The following PLOD3 variants were observed in gnomAD, a reference collection of about 807,000 sequenced individuals.
PLOD3 encodes the protein multifunctional procollagen lysine hydroxylase and glycosyltransferase LH3.
Under a neutral mutation model 96.9 loss-of-function variants are expected in PLOD3, and 73 were observed. The ratio of observed to expected loss-of-function variants is 0.75; its 90% CI spans 0.62 to 0.92. The LOEUF is 0.92. PLOD3 is among the 40% of genes least tolerant of loss of function. PLOD3 has a pLI of 0.00. For synonymous variants in PLOD3, 454 were observed against 413.7 expected (o/e 1.10, Z -1.18); for missense variants, 1,004 against 1,004.3 (o/e 1.00, Z 0.00).
At chr7:101,212,397 G>A (rs1798197763) in intron 9 of PLOD3, 23 bp from the exon 10 acceptor site, 2 of 1,612,112 alleles carry the variant, frequency 1.2e-6, no homozygotes, top group Admixed American at 3.3e-5. Flanking sequence ...GACATAGGGG[G>A]ATGGGCTCAG....
chr7:101,211,669 T>C lies in PLOD3; in HGVS notation c.1280A>G (p.Asn427Ser), dbSNP rs751321650. Residue 427 changes from asparagine (N) to serine (S), a missense_variant, in exon 12 of 19, where the codon AAC becomes AGC. Coordinates refer to ENST00000223127, the MANE Select transcript of PLOD3 (RefSeq NM_001084.5). ...ATCGGGGCTCAGGGCGCCCCAGAAG[T>C]TGGACCACAGCTTGCCGTGGCGGGA... ...MLSRHGKLWS[N>S]FWGALSPDEY... 6.2e-6 allele frequency: 10 copies of C among 1,607,876 alleles called. No individual in the cohort carries two copies. The highest frequency in any genetic ancestry group is 4.5e-5 in the South Asian group (4 of 89,794).
chr7:101,214,759 C>G (rs1355059462), intron 6 of PLOD3, among the ~76,000 whole-genome samples: 2 of 152,176 alleles, frequency 1.3e-5, no homozygotes, highest in Non-Finnish European at 2.9e-5. Flanking sequence ...ATCACTTGAA[C>G]CCGGGAGGTG....
At chr7:101,207,538 T>G (rs765347872) in intron 17 of PLOD3, 40 bp downstream of exon 17, 1 of 1,602,932 alleles carries the variant, frequency 6.2e-7, no homozygotes, top group Non-Finnish European at 8.5e-7. Context: ...GGGACTGGGG[T>G]GGGGAAGGTG....
At chr7:101,210,252 G>T in intron 14 of PLOD3, 79 bp downstream of exon 14, 1 of 1,490,512 alleles carries the variant, frequency 6.7e-7, no homozygotes, top group Non-Finnish European at 9.3e-7. Context: ...TCCTGCGCTG[G>T]CAGCAGCCAT....
intron 16 of PLOD3, 45 bp downstream of exon 16, chr7:101,208,808 C>T: frequency 6.4e-6 from 8 of 1,248,608 alleles, no homozygotes; most frequent in Non-Finnish European, 9.4e-6. Context: ...GATCCTGCAC[C>T]TCCTCCTCTG....
rs1178971855 is a variant in PLOD3 at position 101,210,462 on chromosome 7, T to C, written c.1501-18A>G. 1 of 1,613,176 alleles carries C rather than the reference T, an allele frequency of 6.2e-7. No homozygotes were observed. The highest frequency in any genetic ancestry group is 8.5e-7 in the Non-Finnish European group (1 of 1,179,550). Reference sequence around the variant, plus strand: ...AAGATGCCCTGTAGTGGGGTGGGGGTGTCCGTGATGCAGGCGATGCCTGGA... The same window carrying C: ...AAGATGCCCTGTAGTGGGGTGGGGGCGTCCGTGATGCAGGCGATGCCTGGA... On this transcript the variant is annotated intron_variant, in intron 13 of 18. Transcript: ENST00000223127.
At chr7:101,211,071 G>C (rs1350458554) in intron 12 of PLOD3, 2 of 256,426 alleles carry the variant, frequency 7.8e-6, no homozygotes, top group Non-Finnish European at 1.5e-5. Context: ...GGTAGAGATG[G>C]GGTTTCACCA....
intron 1 of PLOD3, 109 bp from the exon 2 acceptor site, chr7:101,216,895 C>T: frequency 1.2e-6 from 1 of 838,782 alleles, no homozygotes; most frequent in East Asian, 2.6e-5. Flanking sequence ...CCTTCCCATT[C>T]TTAAACTCTT....
At chr7:101,207,016 G>T in intron 17 of PLOD3, 112 bp from the exon 18 acceptor site, 1 of 1,265,526 alleles carries the variant, frequency 7.9e-7, no homozygotes, top group Non-Finnish European at 1.1e-6. Flanking sequence ...TCAGGCTGGA[G>T]TGCAGTGGTG....
chr7:101,216,591 TG>T (rs749851485), intron 2 of PLOD3, 45 bp from the exon 3 acceptor site: 2 of 1,612,792 alleles, frequency 1.2e-6, no homozygotes, highest in African/African-American at 1.3e-5. Flanking sequence ...TGGGGAGTTG[TG>T]GGGGGAACTC....
rs1222593221 is a variant in PLOD3, at chr7:101,217,578, A to C, written c.-304T>G. ...CTGGGCTGAGCCAGCCGCTTGACAC[A>C]TGTGGAAGCTGAAACCTGGACAGGG... is the stretch of plus-strand genomic sequence containing the variant. On this transcript the variant is annotated 5_prime_UTR_variant, in exon 1 of 19. It removes an upstream start codon present in the reference 5' UTR. Transcript: ENST00000223127. 6.7e-6 allele frequency: 3 copies of C among 449,324 alleles called. No homozygotes were observed. The highest frequency in any genetic ancestry group is 8.3e-5 in the Admixed American group (2 of 24,026). The allele number at this position is 449,324 out of a possible 1,614,324, so 27.8% of individuals were successfully genotyped here.
At chr7:101,209,385 CTTTTT>C (rs561562370) in intron 15 of PLOD3, among the ~76,000 whole-genome samples, 1 of 147,222 alleles carries the variant, frequency 6.8e-6, no homozygotes, top group Non-Finnish European at 1.5e-5. Context: ...TTTTTCTTTT[CTTTTT>C]TTTTTGAGAC....
At chr7:101,210,854 C>G in intron 12 of PLOD3, 181 bp from the exon 13 acceptor site, 1 of 628,122 alleles carries the variant, frequency 1.6e-6, no homozygotes, top group Non-Finnish European at 2.8e-6. Context: ...TCAGTTCCTA[C>G]CCCAAGCTGT....
chr7:101,217,363 G>C lies in PLOD3; in HGVS notation c.-89C>G, dbSNP rs1418612789. On this transcript the variant is annotated 5_prime_UTR_variant, in exon 1 of 19. Transcript: ENST00000223127. ...GCTCCGGAGGGGAGCTCTGGAAAGG[G>C]GGCGCTCGGGCTGCTGTGCGGCCGC... 18 of 1,276,476 alleles carry C rather than the reference G, an allele frequency of 1.4e-5. No homozygotes were observed. Among genetic ancestry groups the C allele is most frequent in the Non-Finnish European group, 1.7e-5 (17 of 995,564 alleles). The allele number at this position is 1,276,476 out of a possible 1,614,324, so 79.1% of individuals were successfully genotyped here.
rs745409232 is a variant in PLOD3, at chr7:101,212,948, T to C, written c.778-5A>G. 1 of 1,608,536 alleles carries C rather than the reference T, an allele frequency of 6.2e-7. No homozygotes were observed. Among genetic ancestry groups the C allele is most frequent in the Non-Finnish European group, 8.5e-7 (1 of 1,175,334 alleles). On this transcript the variant is annotated splice_polypyrimidine_tract_variant and splice_region_variant and intron_variant, in intron 7 of 18. Coordinates refer to ENST00000223127, the MANE Select transcript of PLOD3 (RefSeq NM_001084.5). ...TCCCAGGTAGTTGAGCTGCAGCTGT[T>C]GGGGACAGACTGAGGCTGAGTGGCT...
rs528770480 is a variant in PLOD3 at position 101,206,408 on chromosome 7, T to C, written c.2090A>G (p.Asp697Gly). The change falls in exon 19 of 19, where the codon GAC becomes GGC. Residue 697 changes from aspartate (D) to glycine (G), a missense_variant. Transcript: ENST00000223127. The stretch of plus-strand genomic sequence containing the variant: ...CTTCCTCGGGGAGGAGATCACACAG[T>C]CGTAGCGCAGGAAGCGGCAGCCACC... ...EGGGCRFLRY[D>G]CVISSPRKGW... 2 of 1,612,150 alleles carry C rather than the reference T, an allele frequency of 1.2e-6. No homozygotes were observed. Among genetic ancestry groups the C allele is most frequent in the African/African-American group, 2.7e-5 (2 of 74,728 alleles).
At chr7:101,213,283 C>A in intron 6 of PLOD3, 79 bp from the exon 7 acceptor site, 2 of 921,768 alleles carry the variant, frequency 2.2e-6, no homozygotes, top group Middle Eastern at 2.1e-4. Context: ...AATATGGGGT[C>A]CCAAATTCTC....
chr7:101,212,795 C>T (rs1410137767), intron 8 of PLOD3, 47 bp downstream of exon 8: 1 of 1,564,038 alleles, frequency 6.4e-7, no homozygotes, highest in South Asian at 1.1e-5. Context: ...GTACCTCCTG[C>T]TCAGCACGCT....
Position 101,215,009 on chromosome 7 carries a change from C to G in PLOD3, c.679+80G>C, listed in dbSNP as rs952067895. The G allele has an allele frequency of 3.8e-6, 4 of 1,060,852 alleles. No individual in the cohort carries two copies. The African/African-American group carries it at 6.2e-5, about 17-fold the overall frequency. The allele number at this position is 1,060,852 out of a possible 1,614,324, so 65.7% of individuals were successfully genotyped here. ...GAGGTGGGCTTGGATCAGCCCAGCT[C>G]CTCCAGAAGCCTCTCCCAGCTCAAG... On this transcript the variant is annotated intron_variant, in intron 6 of 18. Transcript: ENST00000223127.
Sources: allele counts gnomAD v4.1 joint callset (sites outside exome capture counted in the v4.1 genomes callset), GRCh38; gene constraint gnomAD v4.1.1; transcripts MANE v1.5; gene names NCBI Gene and HGNC (gene_info 2026-07-23, HGNC 2026-07-21).